Variants in CTSW observed in about 807,000 individuals in gnomAD.
The protein encoded by CTSW is lymphopain.
CTSW carries 42 observed loss-of-function variants against 43.8 expected under a neutral mutation model. That is an observed-to-expected ratio of 0.96 (90% CI 0.75 to 1.24). The LOEUF is 1.24. Among genes scored for constraint, CTSW ranks in the 50% most tolerant of loss-of-function variants. The pLI, the probability that CTSW is intolerant of heterozygous loss-of-function variation, is 0.00. For missense variants in CTSW, 475 were observed against 479.9 expected (o/e 0.99, Z 0.09); for synonymous variants, 191 against 184.8 (o/e 1.03, Z -0.27).
intron 6 of CTSW, 22 bp from the exon 7 acceptor site, chr11:65,882,757 C>T (rs1860128488): frequency 1.2e-6 from 2 of 1,614,080 alleles, no homozygotes; most frequent in South Asian, 1.1e-5. Flanking sequence ...GGAACCTCCT[C>T]CCTTGTCTTG....
chr11:65,882,311 C>T lies in CTSW; in HGVS notation c.423C>T (p.Ile141=), dbSNP rs1275871530. The T allele has an allele frequency of 1.4e-5, 23 of 1,614,138 alleles. No individual in the cohort carries two copies. Among genetic ancestry groups the T allele is most frequent in the Non-Finnish European group, 1.9e-5 (22 of 1,180,002 alleles). ...ACTGGCGGAAGGTGGCCAGCGCCAT[C>T]TCACCCATCAAGGACCAGGTATCTG... The part of the protein sequence containing the change: ...SCDWRKVASA[I]SPIKDQKNCN... Residue 141 remains isoleucine (I), a synonymous_variant, in exon 4 of 10, where the codon ATC becomes ATT. Transcript: ENST00000307886.
At position 65,883,644 on chromosome 11, in the gene CTSW, C is replaced by T. The variant is rs771708673; in HGVS notation, c.*26C>T. On this transcript the variant is annotated 3_prime_UTR_variant, in exon 10 of 10. Transcript: ENST00000307886. ...ACCCACCTGGCCCCCTCAGCTCTGT[C>T]CTGTTAGGCCAACTGCCTCCTTGCC... 98 of 1,593,468 alleles carry T rather than the reference C, an allele frequency of 6.2e-5. No homozygotes were observed. Among genetic ancestry groups the T allele is most frequent in the Non-Finnish European group, 8.1e-5 (94 of 1,163,250 alleles).
chr11:65,880,341 G>C, intron 2 of CTSW, 55 bp downstream of exon 2: 1 of 1,360,710 alleles, frequency 7.3e-7, no homozygotes, highest in Non-Finnish European at 1.0e-6. Flanking sequence ...TTTTTTTTGA[G>C]ACGGAGTTTC....
intron 7 of CTSW, 22 bp downstream of exon 7, chr11:65,882,926 G>T (rs768035105): frequency 6.2e-7 from 1 of 1,613,474 alleles, no homozygotes; most frequent in South Asian, 1.1e-5. Flanking sequence ...GCAGGGACAC[G>T]GGCGGATGGC....
intron 3 of CTSW, among the ~76,000 whole-genome samples, chr11:65,881,930 C>T (rs988030783): frequency 6.6e-6 from 1 of 152,218 alleles, no homozygotes; most frequent in Admixed American, 6.5e-5. Flanking sequence ...GCTACAAGCC[C>T]GCACAACCAC....
Position 65,882,261 on chromosome 11 carries a change from G to A in CTSW, c.373G>A (p.Glu125Lys), listed in dbSNP as rs745611766. The A allele has an allele frequency of 6.2e-7, 1 of 1,614,216 alleles. No homozygotes were observed. The highest frequency in any genetic ancestry group is 8.5e-7 in the Non-Finnish European group (1 of 1,180,048). Residue 125 changes from glutamate (E) to lysine (K), a missense_variant, in exon 4 of 10, where the codon GAG (glutamate) becomes AAG (lysine). Transcript: ENST00000307886. ...MGREIRSEEP[E>K]ESVPFSCDWR... is the part of the protein sequence containing the mutation. Reference sequence around the variant, plus strand: ...CAGAGAAATAAGGTCTGAAGAGCCAGAGGAGTCAGTACCTTTCAGCTGTGA... The same window carrying A: ...CAGAGAAATAAGGTCTGAAGAGCCAAAGGAGTCAGTACCTTTCAGCTGTGA...
rs749019099 is a variant in CTSW, at chr11:65,883,558, C to T, written c.1071C>T (p.Phe357=). ...RGSNTCGITK[F]PLTARVQKPD... ...GCAATACCTGTGGCATCACCAAGTT[C>T]CCGCTCACTGCCCGTGTGCAGAAAC... The change falls in exon 10 of 10, where the codon TTC becomes TTT. Residue 357 remains phenylalanine, a synonymous_variant. Transcript: ENST00000307886. 2 of 1,614,128 alleles carry T rather than the reference C, an allele frequency of 1.2e-6. No homozygotes were observed. Among genetic ancestry groups the T allele is most frequent in the East Asian group, 4.5e-5 (2 of 44,886 alleles).
At chr11:65,880,092 G>A in intron 1 of CTSW, 110 bp from the exon 2 acceptor site, 1 of 1,235,256 alleles carries the variant, frequency 8.1e-7, no homozygotes, top group South Asian at 1.3e-5. Context: ...AGACAGAAAA[G>A]GCTAACTGGC....
rs772908816 is a variant in CTSW at position 65,883,657 on chromosome 11, C to T, written c.*39C>T. 1.9e-6 allele frequency: 3 copies of T among 1,571,472 alleles called. No individual in the cohort carries two copies. In the South Asian group the frequency reaches 3.3e-5, roughly 17 times the overall value. On this transcript the variant is annotated 3_prime_UTR_variant, in exon 10 of 10. Coordinates refer to ENST00000307886, the MANE Select transcript of CTSW (RefSeq NM_001335.4). ...CCTCAGCTCTGTCCTGTTAGGCCAA[C>T]TGCCTCCTTGCCAGCCCCACCCCCA...
At chr11:65,880,639 TGAA>T (rs1860094971) in intron 2 of CTSW, 2 of 239,678 alleles carry the variant, frequency 8.3e-6, no homozygotes. Flanking sequence ...TTGTAATAGA[TGAA>T]GAAATCGAAG....
At position 65,880,278 on chromosome 11, in the gene CTSW, G is replaced by A; in HGVS notation, c.164G>A (p.Ser55Asn). ...ATCCAGTTCAACCGGAGTTACCTGAGCCCAGAAGGTATCACAGGGCACATA... is the reference window on the plus strand; with the variant it reads ...ATCCAGTTCAACCGGAGTTACCTGAACCCAGAAGGTATCACAGGGCACATA... ...FQIQFNRSYL[S>N]PEEHAHRLDI... The change falls in exon 2 of 10, where the codon AGC becomes AAC. Residue 55 changes from serine to asparagine, a missense_variant. Transcript: ENST00000307886. 6.2e-7 allele frequency: 1 copy of A among 1,613,362 alleles called. No individual in the cohort carries two copies. The highest frequency in any genetic ancestry group is 8.5e-7 in the Non-Finnish European group (1 of 1,179,568).
At chr11:65,880,925 A>G (rs1860098716) in intron 2 of CTSW, among the ~76,000 whole-genome samples, 1 of 152,124 alleles carries the variant, frequency 6.6e-6, no homozygotes, top group Non-Finnish European at 1.5e-5. Flanking sequence ...TTTTGTCCCC[A>G]CATTGGGGAC....
chr11:65,883,672 C>T lies in CTSW; in HGVS notation c.*54C>T. ...GTTAGGCCAACTGCCTCCTTGCCAGCCCCACCCCCAGGTTTTTGCCCATCC... is the reference window on the plus strand; with the variant it reads ...GTTAGGCCAACTGCCTCCTTGCCAGTCCCACCCCCAGGTTTTTGCCCATCC... On this transcript the variant is annotated 3_prime_UTR_variant, in exon 10 of 10. Coordinates refer to ENST00000307886, the MANE Select transcript of CTSW (RefSeq NM_001335.4). The T allele has an allele frequency of 1.3e-6, 2 of 1,519,412 alleles. No homozygotes were observed. The highest frequency in any genetic ancestry group is 9.1e-7 in the Non-Finnish European group (1 of 1,100,074). The allele number at this position is 1,519,412 out of a possible 1,614,324, so 94.1% of individuals were successfully genotyped here.
chr11:65,880,970 G>T (rs1388608675), intron 2 of CTSW, among the ~76,000 whole-genome samples: 1 of 152,104 alleles, frequency 6.6e-6, no homozygotes, highest in Non-Finnish European at 1.5e-5. Context: ...CCCTGCCCCT[G>T]CCCTCTCGCT....
At chr11:65,880,811 A>G (rs1860097616) in intron 2 of CTSW, among the ~76,000 whole-genome samples, 1 of 152,144 alleles carries the variant, frequency 6.6e-6, no homozygotes, top group African/African-American at 2.4e-5. Flanking sequence ...CCCTAGTCCT[A>G]CGTGATCCCC....
At chr11:65,881,292 G>A (rs1479759637) in intron 2 of CTSW, 115 bp from the exon 3 acceptor site, 2 of 586,736 alleles carry the variant, frequency 3.4e-6, no homozygotes, top group African/African-American at 3.8e-5. Flanking sequence ...GGGGGCTACA[G>A]GAAAGGAGCC....
intron 2 of CTSW, among the ~76,000 whole-genome samples, chr11:65,881,052 C>G (rs1860100198): frequency 6.6e-6 from 1 of 152,172 alleles, no homozygotes; most frequent in Non-Finnish European, 1.5e-5. Context: ...GTCATCTCCT[C>G]TCCCTGCCAT....
Position 65,879,845 on chromosome 11 carries a change from C to A in CTSW, c.-10C>A. On this transcript the variant is annotated 5_prime_UTR_variant, in exon 1 of 10. It adds an upstream start codon to the 5' untranslated region. Transcript: ENST00000307886. ...CTTCCTGCCTCCATGCCACTCCAGA[C>A]TGCACCGGCATGGCACTGACTGCCC... The A allele has an allele frequency of 1.2e-6, 2 of 1,613,188 alleles. No individual in the cohort carries two copies. The highest frequency in any genetic ancestry group is 1.7e-6 in the Non-Finnish European group (2 of 1,179,538).
chr11:65,883,622 C>T lies in CTSW; in HGVS notation c.*4C>T, dbSNP rs1860150192. On this transcript the variant is annotated 3_prime_UTR_variant, in exon 10 of 10. Transcript: ENST00000307886. ...CCGAGTCTCCTGCCCTCCCTGAACC[C>T]ACCTGGCCCCCTCAGCTCTGTCCTG... 2.5e-6 allele frequency: 4 copies of T among 1,611,910 alleles called. No individual in the cohort carries two copies. Among genetic ancestry groups the T allele is most frequent in the South Asian group, 1.1e-5 (1 of 91,060 alleles).
Sources: gnomAD v4.1 joint callset for allele counts (sites outside exome capture counted in the v4.1 genomes callset) on GRCh38, gnomAD v4.1.1 for gene constraint, MANE v1.5 for transcripts, NCBI Gene and HGNC (gene_info 2026-07-23, HGNC 2026-07-21) for gene names.